Variants in PTPRM observed in about 807,000 individuals in gnomAD.
The protein encoded by PTPRM is protein tyrosine phosphatase receptor type M.
In PTPRM, 47 loss-of-function variants were observed where a neutral mutation model predicts 186.7. The ratio of observed to expected loss-of-function variants is 0.25; its 90% CI spans 0.20 to 0.32. The LOEUF is 0.32. PTPRM is among the 10% of genes least tolerant of loss of function. The pLI is 1.00. For missense variants in PTPRM, 1,494 were observed against 1,865.0 expected, an observed-to-expected ratio of 0.80 and a Z score of 3.66; for synonymous variants, 668 against 674.9, an observed-to-expected ratio of 0.99 and a Z score of 0.16.
In PTPRM at chr18:7,717,961, G is replaced by A. The variant is rs182306378; in HGVS notation, c.74-56188G>A. Among the ~76,000 whole-genome samples, 160 of 152,180 alleles carry A rather than the reference G, an allele frequency of 1.1e-3. 2 individuals carry two copies. Among genetic ancestry groups the A allele is most frequent in the East Asian group, 5.6e-3 (29 of 5,164 alleles). Reference sequence around the variant, plus strand: ...CCTCCCTTGAGGAGTTGAGAGTGGCGGGCTAAGTAAACAAGGCACCCCTGT... The same window carrying A: ...CCTCCCTTGAGGAGTTGAGAGTGGCAGGCTAAGTAAACAAGGCACCCCTGT... On this transcript the variant is annotated intron_variant, in intron 1 of 32. Transcript: ENST00000580170.
At chr18:7,867,004 T>A (rs1188639456) in intron 2 of PTPRM, among the ~76,000 whole-genome samples, 1 of 152,252 alleles carries the variant, frequency 6.6e-6, no homozygotes. Flanking sequence ...AGACTAGGAT[T>A]GCAACCCCTG....
At chr18:7,743,482 T>C (rs2040923694) in intron 1 of PTPRM, among the ~76,000 whole-genome samples, 1 of 152,068 alleles carries the variant, frequency 6.6e-6, no homozygotes, top group African/African-American at 2.4e-5. Flanking sequence ...TGTGAAATAC[T>C]GAAGTGGTGG....
intron 1 of PTPRM, among the ~76,000 whole-genome samples, chr18:7,734,843 G>A (rs1163048923): frequency 6.6e-6 from 1 of 152,118 alleles, no homozygotes; most frequent in Non-Finnish European, 1.5e-5. Context: ...CTTCCTCTGG[G>A]TATTTATTTT....
chr18:7,835,701 T>G (rs1001081732), intron 2 of PTPRM, among the ~76,000 whole-genome samples: 1 of 151,540 alleles, frequency 6.6e-6, no homozygotes, highest in African/African-American at 2.4e-5. Flanking sequence ...TTGGGGTCTC[T>G]ATCTCTCTTT....
intron 7 of PTPRM, among the ~76,000 whole-genome samples, chr18:8,026,906 AC>A (rs1300343983): frequency 6.6e-6 from 1 of 152,176 alleles, no homozygotes; most frequent in African/African-American, 2.4e-5. Flanking sequence ...TTTTTTAAAA[AC>A]ATGACTCATT....
At chr18:7,709,402 A>G (rs561829736) in intron 1 of PTPRM, among the ~76,000 whole-genome samples, 2 of 152,160 alleles carry the variant, frequency 1.3e-5, no homozygotes, top group South Asian at 2.1e-4. Context: ...GGGATACAGC[A>G]AAAGCGGTGC....
intron 21 of PTPRM, 136 bp downstream of exon 21, chr18:8,314,993 C>T: frequency 3.6e-6 from 2 of 550,318 alleles, no homozygotes; most frequent in East Asian, 6.6e-5. Flanking sequence ...ACCATTCTGA[C>T]ATGTACCAGA....
chr18:8,170,076 A>C (rs2093376146), intron 14 of PTPRM, among the ~76,000 whole-genome samples: 1 of 152,224 alleles, frequency 6.6e-6, no homozygotes, highest in Non-Finnish European at 1.5e-5. Flanking sequence ...GAAAACCCAC[A>C]GCTGTGAATC....
At chr18:7,615,247 A>C (rs1399282829) in intron 1 of PTPRM, among the ~76,000 whole-genome samples, 1 of 152,238 alleles carries the variant, frequency 6.6e-6, no homozygotes, top group Non-Finnish European at 1.5e-5. Flanking sequence ...GGGAACTGTA[A>C]CAGGAAAAAA....
In PTPRM at chr18:7,891,128, AC is replaced by A. The variant is rs1184249602; in HGVS notation, c.468+2752del. Reference sequence around the variant, plus strand: ...CCAGTGTCTCCAAAAAAAAAAAAAAACAACAAAATTAGCAGGACATGGTGGC... The same window carrying A: ...CCAGTGTCTCCAAAAAAAAAAAAAAAAACAAAATTAGCAGGACATGGTGGC... On this transcript the variant is annotated intron_variant, in intron 3 of 32. Coordinates refer to ENST00000580170, the MANE Select transcript of PTPRM (RefSeq NM_001105244.2). 8.9e-5 allele frequency among the ~76,000 whole-genome samples: 13 copies of A among 145,870 alleles called. No individual in the cohort carries two copies. In the South Asian group the frequency reaches 1.3e-3, roughly 15 times the overall value.
chr18:7,590,059 G>C (rs554272112), intron 1 of PTPRM, among the ~76,000 whole-genome samples: 1 of 152,160 alleles, frequency 6.6e-6, no homozygotes, highest in Non-Finnish European at 1.5e-5. Context: ...GGAAACAATG[G>C]TTAAATTGTT....
At chr18:8,327,398 G>C (rs141527178) in intron 22 of PTPRM, among the ~76,000 whole-genome samples, 182 of 152,354 alleles carry the variant, frequency 1.2e-3, no homozygotes, top group African/African-American at 4.3e-3. Flanking sequence ...TGAAGAGGAA[G>C]ATGCCTTGGC....
At chr18:8,063,838 T>C (rs533914539) in intron 7 of PTPRM, among the ~76,000 whole-genome samples, 3 of 152,220 alleles carry the variant, frequency 2.0e-5, no homozygotes, top group Non-Finnish European at 4.4e-5. Context: ...GGGTCCAGTA[T>C]GTATTCTTTT....
At chr18:7,964,350 G>A (rs1160390659) in intron 7 of PTPRM, among the ~76,000 whole-genome samples, 3 of 152,210 alleles carry the variant, frequency 2.0e-5, no homozygotes, top group Non-Finnish European at 4.4e-5. Flanking sequence ...ACTTGGGTGG[G>A]TGAATGTTGG....
chr18:8,030,139 A>G (rs975988874), intron 7 of PTPRM, among the ~76,000 whole-genome samples: 1 of 152,258 alleles, frequency 6.6e-6, no homozygotes, highest in African/African-American at 2.4e-5. Context: ...GATACTGCAT[A>G]TGCTTTGTAC....
intron 19 of PTPRM, among the ~76,000 whole-genome samples, chr18:8,269,178 C>T (rs1349761085): frequency 6.6e-6 from 1 of 151,872 alleles, no homozygotes; most frequent in African/African-American, 2.4e-5. Flanking sequence ...GAGACTCCAC[C>T]AGAAACTGTT....
intron 1 of PTPRM, among the ~76,000 whole-genome samples, chr18:7,573,657 T>C (rs925003062): frequency 5.9e-5 from 9 of 152,132 alleles, no homozygotes; most frequent in African/African-American, 2.2e-4. Context: ...CTGAGTGATA[T>C]TGGCTCACTA....
rs544610956 is a variant in PTPRM at position 8,070,299 on chromosome 18, T to A, written c.1441+305T>A. Among the ~76,000 whole-genome samples, 4 of 151,476 alleles carry A rather than the reference T, an allele frequency of 2.6e-5. No homozygotes were observed. The South Asian group carries it at 8.3e-4, about 31-fold the overall frequency. On this transcript the variant is annotated intron_variant, in intron 8 of 32. Coordinates refer to ENST00000580170, the MANE Select transcript of PTPRM (RefSeq NM_001105244.2). ...AAAAATTGTTGTTTTGGGTATTAGA[T>A]TATTTATATAAAATCATTGGACTGA...
intron 31 of PTPRM, among the ~76,000 whole-genome samples, chr18:8,389,709 T>TA (rs2095799323): frequency 6.6e-6 from 1 of 152,214 alleles, no homozygotes; most frequent in Admixed American, 6.5e-5. Flanking sequence ...AGGCTTTTTT[T>TA]AGCTATAAGA....
Sources: allele counts gnomAD v4.1 joint callset (sites outside exome capture counted in the v4.1 genomes callset), GRCh38; gene constraint gnomAD v4.1.1; transcripts MANE v1.5; gene names NCBI Gene and HGNC (gene_info 2026-07-23, HGNC 2026-07-21).